Variants in IFNL2 observed in about 807,000 individuals in gnomAD.
IFNL2 encodes the protein interferon lambda 2, also known as interferon lambda-2.
A neutral mutation model predicts 18.7 loss-of-function variants in IFNL2; 17 were observed. That is an observed-to-expected ratio of 0.91 (90% CI 0.62 to 1.36). The LOEUF (loss-of-function observed/expected upper bound fraction) is 1.36, where lower values mean the gene tolerates loss of function less well. IFNL2 is among the 40% of genes most tolerant of loss of function. The pLI is 0.00. For synonymous variants in IFNL2, 96 were observed against 113.4 expected (o/e 0.85, Z 0.98); for missense variants, 225 against 257.3 (o/e 0.87, Z 0.86).
Position 39,270,060 on chromosome 19 carries a change from A to G in IFNL2, c.*47A>G. 1 of 1,544,298 alleles carries G rather than the reference A, an allele frequency of 6.5e-7. No homozygotes were observed. The highest frequency in any genetic ancestry group is 8.8e-7 in the Non-Finnish European group (1 of 1,140,394). ...CTGAGATTTTATTTATAAATTAGCCACTTGTCTTAATTTATTGCCACCCAG... is the reference window on the plus strand; with the variant it reads ...CTGAGATTTTATTTATAAATTAGCCGCTTGTCTTAATTTATTGCCACCCAG... On this transcript the variant is annotated 3_prime_UTR_variant, in exon 6 of 6. Transcript: ENST00000331982.
chr19:39,270,093 T>G lies in IFNL2; in HGVS notation c.*80T>G, dbSNP rs1375872088. 2 of 1,467,480 alleles carry G rather than the reference T, an allele frequency of 1.4e-6. No homozygotes were observed. The highest frequency in any genetic ancestry group is 1.4e-5 in the African/African-American group (1 of 71,202). 90.9% of individuals were successfully genotyped at this position (1,467,480 alleles called of 1,614,324 possible). On this transcript the variant is annotated 3_prime_UTR_variant, in exon 6 of 6. Coordinates refer to ENST00000331982, the MANE Select transcript of IFNL2 (RefSeq NM_172138.2). ...TAATTTATTGCCACCCAGTCGCTAT[T>G]TATGTATTTGTGTGTGTAAATCCAA...
rs1600466431 is a variant in IFNL2 at position 39,269,515 on chromosome 19, G to A, written c.298G>A (p.Ala100Thr). The change falls in exon 4 of 6, where the codon GCT becomes ACT. Residue 100 changes from alanine to threonine, a missense_variant. Coordinates refer to ENST00000331982, the MANE Select transcript of IFNL2 (RefSeq NM_172138.2). Reference sequence around the variant, plus strand: ...GAGGGAGCGCCCCATGGCTTTGGAGGCTGAGCTGGCCCTGACGCTGAAGGT... The same window carrying A: ...GAGGGAGCGCCCCATGGCTTTGGAGACTGAGCTGGCCCTGACGCTGAAGGT... ...QVRERPMALE[A>T]ELALTLKVLE... The A allele has an allele frequency of 1.2e-6, 2 of 1,614,036 alleles. No individual in the cohort carries two copies. The highest frequency in any genetic ancestry group is 1.3e-5 in the African/African-American group (1 of 74,908).
At chr19:39,269,365 C>T in intron 3 of IFNL2, 123 bp from the exon 4 acceptor site, 5 of 1,497,348 alleles carry the variant, frequency 3.3e-6, no homozygotes, top group East Asian at 2.4e-5. Flanking sequence ...TCCGCTCCCA[C>T]CTGACCACAC....
chr19:39,270,166 T>A lies in IFNL2; in HGVS notation c.*153T>A, dbSNP rs1207832541. 1.1e-6 allele frequency: 1 copy of A among 898,268 alleles called. No homozygotes were observed. The highest frequency in any genetic ancestry group is 1.7e-6 in the Non-Finnish European group (1 of 594,260). 55.6% of individuals were successfully genotyped at this position (898,268 alleles called of 1,614,324 possible). On this transcript the variant is annotated 3_prime_UTR_variant, in exon 6 of 6. Transcript: ENST00000331982. ...TTTTTCTACTTTTTATAACCCTTGT[T>A]GAAATAAACAAAGGAAAAGACACTC... is the stretch of plus-strand genomic sequence containing the variant.
In IFNL2 at chr19:39,268,717, C is replaced by T. The variant is rs1211286304; in HGVS notation, c.51C>T (p.Ala17=). The T allele has an allele frequency of 7.4e-6, 12 of 1,613,024 alleles. No individual in the cohort carries two copies. Among genetic ancestry groups the T allele is most frequent in the Admixed American group, 6.7e-5 (4 of 59,996 alleles). The part of the protein sequence containing the change: ...GDCTPVLVLM[A]AVLTVTGAVP... ...GCACGCCAGTGCTGGTGCTGATGGC[C>T]GCAGTGCTGACCGTGACTGGAGCAG... is the stretch of plus-strand genomic sequence containing the variant. Residue 17 remains alanine, a synonymous_variant, in exon 2 of 6, where the codon GCC becomes GCT. Coordinates refer to ENST00000331982, the MANE Select transcript of IFNL2 (RefSeq NM_172138.2).
Position 39,269,899 on chromosome 19 carries a change from C to A in IFNL2, c.505-16C>A. On this transcript the variant is annotated splice_polypyrimidine_tract_variant and intron_variant, in intron 5 of 5. Transcript: ENST00000331982. ...AGAACCCAGACAGCCCCTGACCCAT[C>A]CCCTCCTCCCTACAGGAGTCCCCTG... The A allele has an allele frequency of 3.7e-6, 6 of 1,608,050 alleles. No individual in the cohort carries two copies. Among genetic ancestry groups the A allele is most frequent in the Non-Finnish European group, 5.1e-6 (6 of 1,177,130 alleles).
rs114035390 is a variant in IFNL2 at position 39,269,020 on chromosome 19, T to C, written c.193-132T>C. 2.9e-6 allele frequency: 4 copies of C among 1,358,436 alleles called. No individual in the cohort carries two copies. In the Admixed American group the frequency reaches 8.6e-5, roughly 29 times the overall value. The allele number at this position is 1,358,436 out of a possible 1,614,324, so 84.1% of individuals were successfully genotyped here. A position where few individuals can be genotyped will look rare whatever the true frequency, so the allele number is the denominator to read the frequency against. On this transcript the variant is annotated intron_variant, in intron 2 of 5. Coordinates refer to ENST00000331982, the MANE Select transcript of IFNL2 (RefSeq NM_172138.2). ...GTAGGGACTGACTCATGTTTTCCTGTAGAAGAGGGTCCTCTACCATCCTCC... is the reference window on the plus strand; with the variant it reads ...GTAGGGACTGACTCATGTTTTCCTGCAGAAGAGGGTCCTCTACCATCCTCC...
At position 39,269,588 on chromosome 19, in the gene IFNL2, A is replaced by C. The variant is rs1162894417; in HGVS notation, c.371A>C (p.Asp124Ala). 6.2e-7 allele frequency: 1 copy of C among 1,614,148 alleles called. No homozygotes were observed. The highest frequency in any genetic ancestry group is 8.5e-7 in the Non-Finnish European group (1 of 1,180,030). Residue 124 changes from aspartate (D) to alanine (A), a missense_variant, in exon 4 of 6, where the codon GAC (aspartate) becomes GCC (alanine). Physicochemically the swap from Asp to Ala is moderately radical, Grantham distance 126. Transcript: ENST00000331982. ...DTDPALVDVL[D>A]QPLHTLHHIL... The stretch of plus-strand genomic sequence containing the variant: ...GACCCAGCCCTGGTGGACGTCTTGG[A>C]CCAGCCCCTTCACACCCTGCACCAT...
Position 39,269,641 on chromosome 19 carries a change from A to G in IFNL2, c.420+4A>G. The G allele has an allele frequency of 6.2e-7, 1 of 1,613,782 alleles. No individual in the cohort carries two copies. The highest frequency in any genetic ancestry group is 8.5e-7 in the Non-Finnish European group (1 of 1,179,780). ...CCTCTCCCAGTTCCGGGCCTGTGTG[A>G]GTCGTTGGGGCCTGGGCACCCAGGT... On this transcript the variant is annotated splice_donor_region_variant and intron_variant, in intron 4 of 5. Coordinates refer to ENST00000331982, the MANE Select transcript of IFNL2 (RefSeq NM_172138.2).
rs979790736 is a variant in IFNL2 at position 39,268,994 on chromosome 19, T to C, written c.192+136T>C. ...GCAGTGGGCTATCTCATGCTCCTAC[T>C]GTAGGGACTGACTCATGTTTTCCTG... is the stretch of plus-strand genomic sequence containing the variant. On this transcript the variant is annotated intron_variant, in intron 2 of 5. Coordinates refer to ENST00000331982, the MANE Select transcript of IFNL2 (RefSeq NM_172138.2). The C allele has an allele frequency of 8.7e-6, 12 of 1,373,050 alleles. No homozygotes were observed. The African/African-American group carries it at 1.6e-4, about 18-fold the overall frequency. 85.1% of individuals were successfully genotyped at this position (1,373,050 alleles called of 1,614,324 possible). A position where few individuals can be genotyped will look rare whatever the true frequency, so the allele number is the denominator to read the frequency against.
At position 39,269,780 on chromosome 19, in the gene IFNL2, C is replaced by A. The variant is rs776193226; in HGVS notation, c.463C>A (p.Leu155Ile). Reference sequence around the variant, plus strand: ...GGCAGGGCCCAGGACCCGGGGCCGCCTCCACCATTGGCTGTACCGGCTCCA... The same window carrying A: ...GGCAGGGCCCAGGACCCGGGGCCGCATCCACCATTGGCTGTACCGGCTCCA... Reference protein sequence around the residue: ...PTAGPRTRGRLHHWLYRLQEA... With the variant: ...PTAGPRTRGRIHHWLYRLQEA... The change falls in exon 5 of 6, where the codon CTC (leucine) becomes ATC (isoleucine). Residue 155 changes from leucine (L) to isoleucine (I), a missense_variant. Transcript: ENST00000331982. 6.2e-7 allele frequency: 1 copy of A among 1,609,884 alleles called. No individual in the cohort carries two copies. Among genetic ancestry groups the A allele is most frequent in the East Asian group, 2.2e-5 (1 of 44,886 alleles).
At position 39,269,156 on chromosome 19, in the gene IFNL2, A is replaced by T. The variant is rs1432035751; in HGVS notation, c.197A>T (p.Glu66Val). The T allele has an allele frequency of 6.8e-6, 11 of 1,611,490 alleles. No homozygotes were observed. In the East Asian group the frequency reaches 8.9e-5, roughly 13 times the overall value. ...AFKRAKDALE[E>V]SLLLKDCRCH... is the part of the protein sequence containing the mutation. ...ACCTGTGCCTTTGCTGTCTAGGAAG[A>T]GTCGCTTCTGCTGAAGGACTGCAGG... The change falls in exon 3 of 6, where the codon GAG (glutamate) becomes GTG (valine). Residue 66 changes from glutamate (E) to valine (V), a missense_variant. By Grantham distance (121) the Glu-to-Val change is moderately radical (BLOSUM62 -2). Coordinates refer to ENST00000331982, the MANE Select transcript of IFNL2 (RefSeq NM_172138.2).
rs2075023639 is a variant in IFNL2, at chr19:39,268,680, T to C, written c.14T>C (p.Met5Thr). 3.7e-6 allele frequency: 6 copies of C among 1,613,198 alleles called. No individual in the cohort carries two copies. The highest frequency in any genetic ancestry group is 5.1e-6 in the Non-Finnish European group (6 of 1,179,868). The change falls in exon 2 of 6, where the codon ATG becomes ACG. Residue 5 changes from methionine (M) to threonine (T), a missense_variant. Met to Thr is a moderately conservative substitution (Grantham distance 81, BLOSUM62 -1). Coordinates refer to ENST00000331982, the MANE Select transcript of IFNL2 (RefSeq NM_172138.2). Reference protein sequence around the residue: MKLDMTGDCTPVLVL... With the variant: MKLDTTGDCTPVLVL... ...TCCCTTTCTCTCTGTGACACAGACA[T>C]GACTGGGGACTGCACGCCAGTGCTG...
Position 39,269,629 on chromosome 19 carries a change from C to T in IFNL2, c.412C>T (p.Arg138Trp), listed in dbSNP as rs542401706. The change falls in exon 4 of 6, where the codon CGG becomes TGG. Residue 138 changes from arginine to tryptophan, a missense_variant. Coordinates refer to ENST00000331982, the MANE Select transcript of IFNL2 (RefSeq NM_172138.2). The part of the protein sequence containing the change: ...HTLHHILSQF[R>W]ACIQPQPTAG... The stretch of plus-strand genomic sequence containing the variant: ...CCTGCACCATATCCTCTCCCAGTTC[C>T]GGGCCTGTGTGAGTCGTTGGGGCCT... The T allele has an allele frequency of 9.9e-6, 16 of 1,614,048 alleles. No homozygotes were observed. Among genetic ancestry groups the T allele is most frequent in the East Asian group, 6.7e-5 (3 of 44,880 alleles).
Position 39,268,584 on chromosome 19 carries a change from T to C in IFNL2, c.10+6T>C. On this transcript the variant is annotated splice_donor_region_variant and intron_variant, in intron 1 of 5. Coordinates refer to ENST00000331982, the MANE Select transcript of IFNL2 (RefSeq NM_172138.2). ...GAGATCAGGAATGAAACTAGGTGAG[T>C]CCCACATCTCTGTCCGTGCTCAGCT... The C allele has an allele frequency of 1.2e-6, 2 of 1,612,836 alleles. No individual in the cohort carries two copies. Among genetic ancestry groups the C allele is most frequent in the Non-Finnish European group, 8.5e-7 (1 of 1,179,568 alleles).
rs1186981465 is a variant in IFNL2 at position 39,269,898 on chromosome 19, T to C, written c.505-17T>C. ...CAGAACCCAGACAGCCCCTGACCCA[T>C]CCCCTCCTCCCTACAGGAGTCCCCT... is the stretch of plus-strand genomic sequence containing the variant. On this transcript the variant is annotated splice_polypyrimidine_tract_variant and intron_variant, in intron 5 of 5. Transcript: ENST00000331982. 1 of 1,607,802 alleles carries C rather than the reference T, an allele frequency of 6.2e-7. No individual in the cohort carries two copies. Among genetic ancestry groups the C allele is most frequent in the African/African-American group, 1.3e-5 (1 of 74,644 alleles).
chr19:39,268,873 G>T lies in IFNL2; in HGVS notation c.192+15G>T. ...AAGATGCCTTAGTGAGTCTCCCCCT[G>T]CCCTCCTGCCATGGACTAGCCTCCA... On this transcript the variant is annotated intron_variant, in intron 2 of 5. Transcript: ENST00000331982. The T allele has an allele frequency of 6.2e-7, 1 of 1,604,432 alleles. No homozygotes were observed. Among genetic ancestry groups the T allele is most frequent in the Non-Finnish European group, 8.5e-7 (1 of 1,173,590 alleles).
Position 39,268,676 on chromosome 19 carries a change from G to T in IFNL2, c.11-1G>T. 6.2e-7 allele frequency: 1 copy of T among 1,613,486 alleles called. No homozygotes were observed. The highest frequency in any genetic ancestry group is 8.5e-7 in the Non-Finnish European group (1 of 1,179,852). ...CAGCTCCCTTTCTCTCTGTGACACAGACATGACTGGGGACTGCACGCCAGT... is the reference window on the plus strand; with the variant it reads ...CAGCTCCCTTTCTCTCTGTGACACATACATGACTGGGGACTGCACGCCAGT... On this transcript the variant is annotated splice_acceptor_variant, in intron 1 of 5. Coordinates refer to ENST00000331982, the MANE Select transcript of IFNL2 (RefSeq NM_172138.2). LOFTEE classifies it high-confidence loss of function.
chr19:39,268,586 C>T lies in IFNL2; in HGVS notation c.10+8C>T. 3.1e-6 allele frequency: 5 copies of T among 1,613,200 alleles called. No individual in the cohort carries two copies. The highest frequency in any genetic ancestry group is 4.2e-6 in the Non-Finnish European group (5 of 1,179,618). ...GATCAGGAATGAAACTAGGTGAGTC[C>T]CACATCTCTGTCCGTGCTCAGCTCC... On this transcript the variant is annotated splice_region_variant and intron_variant, in intron 1 of 5. Transcript: ENST00000331982.
Sources: gnomAD v4.1 joint callset for allele counts on GRCh38, gnomAD v4.1.1 for gene constraint, MANE v1.5 for transcripts, NCBI Gene and HGNC (gene_info 2026-07-23, HGNC 2026-07-21) for gene names.